The following CAMKMT variants were observed in gnomAD, a reference collection of about 807,000 sequenced individuals.
The protein encoded by CAMKMT is calmodulin-lysine N-methyltransferase, also known as CaM KMT.
In CAMKMT, 53 loss-of-function variants were observed where a neutral mutation model predicts 48.0. That is an observed-to-expected ratio of 1.10 (90% CI 0.89 to 1.39). CAMKMT has a LOEUF of 1.39. CAMKMT is among the 40% of genes most tolerant of loss of function. CAMKMT has a pLI of 0.00. For missense variants in CAMKMT, 428 were observed against 402.7 expected, an observed-to-expected ratio of 1.06 and a Z score of -0.54; for synonymous variants, 165 against 152.3, an observed-to-expected ratio of 1.08 and a Z score of -0.61.
intron 3 of CAMKMT, among the ~76,000 whole-genome samples, chr2:44,695,245 T>C (rs1676873902): frequency 6.6e-6 from 1 of 152,212 alleles, no homozygotes. Context: ...CACGGAGGTC[T>C]GGTGTACAGA....
At chr2:44,683,559 G>A (rs1327423902) in intron 3 of CAMKMT, among the ~76,000 whole-genome samples, 2 of 152,108 alleles carry the variant, frequency 1.3e-5, no homozygotes, top group Admixed American at 6.5e-5. Context: ...GGTGGCTCAC[G>A]CCTATAATCC....
chr2:44,375,109 C>T (rs543703823), intron 2 of CAMKMT, among the ~76,000 whole-genome samples: 41 of 151,702 alleles, frequency 2.7e-4, no homozygotes, highest in South Asian at 1.9e-3. Context: ...CCAGTTTGGG[C>T]GATAGAGTGA....
In CAMKMT at chr2:44,748,743, G is replaced by A. The variant is rs200996595; in HGVS notation, c.698+5047G>A. On this transcript the variant is annotated intron_variant, in intron 8 of 10. Coordinates refer to ENST00000378494, the MANE Select transcript of CAMKMT (RefSeq NM_024766.5). ...AAAAAAAAAATTAGATGGGCATGGT[G>A]GTGGGCACCTGTAGTCCCAGCTACT... Among the ~76,000 whole-genome samples the A allele has an allele frequency of 5.3e-4, 80 of 152,188 alleles. 1 individual carries two copies. In the East Asian group the frequency reaches 0.015, roughly 29 times the overall value.
chr2:44,641,940 A>G (rs1403678142), intron 3 of CAMKMT, among the ~76,000 whole-genome samples: 1 of 151,990 alleles, frequency 6.6e-6, no homozygotes, highest in Admixed American at 6.6e-5. Flanking sequence ...TAACTATCAC[A>G]TTTCCCAGCA....
rs960860422 is a variant in CAMKMT, at chr2:44,602,877, A to T, written c.377-101406A>T. 2.6e-5 allele frequency among the ~76,000 whole-genome samples: 4 copies of T among 151,964 alleles called. No individual in the cohort carries two copies. The South Asian group carries it at 6.2e-4, about 24-fold the overall frequency. ...GATTTGGGTGGGGACACAGAGACAA[A>T]TCGTATCACCTGTTTTATCACATAC... On this transcript the variant is annotated intron_variant, in intron 3 of 10. Coordinates refer to ENST00000378494, the MANE Select transcript of CAMKMT (RefSeq NM_024766.5).
intron 2 of CAMKMT, among the ~76,000 whole-genome samples, chr2:44,380,001 A>G (rs772407400): frequency 6.6e-6 from 1 of 151,740 alleles, no homozygotes; most frequent in South Asian, 2.1e-4. Context: ...TAACATGTCT[A>G]TTTTTTCATT....
intron 3 of CAMKMT, among the ~76,000 whole-genome samples, chr2:44,469,346 C>A (rs1216181610): frequency 2.2e-5 from 2 of 91,438 alleles, no homozygotes; most frequent in Non-Finnish European, 4.5e-5. Context: ...TCTTATTAAA[C>A]CTGATTTTTT....
intron 3 of CAMKMT, among the ~76,000 whole-genome samples, chr2:44,506,219 A>G (rs17615092): frequency 0.035 from 5,371 of 152,162 alleles, 422 homozygotes; most frequent in East Asian, 0.35. Context: ...AAATGTTCCT[A>G]AGCTAAGTGG....
chr2:44,402,604 C>A (rs538372457), intron 3 of CAMKMT, among the ~76,000 whole-genome samples: 17 of 151,820 alleles, frequency 1.1e-4, no homozygotes, highest in Admixed American at 5.9e-4. Flanking sequence ...ATTTTTCAGT[C>A]TGGAAAATTT....
intron 7 of CAMKMT, among the ~76,000 whole-genome samples, chr2:44,737,512 A>G (rs1679419489): frequency 6.6e-6 from 1 of 152,308 alleles, no homozygotes; most frequent in South Asian, 2.1e-4. Context: ...ATTCCCTACT[A>G]TTGAGACAAG....
chr2:44,501,592 A>T (rs1364011952), intron 3 of CAMKMT, among the ~76,000 whole-genome samples: 2 of 152,324 alleles, frequency 1.3e-5, no homozygotes, highest in Non-Finnish European at 2.9e-5. Flanking sequence ...TACCTGTTAA[A>T]TGAATTTGTA....
At chr2:44,488,227 G>A (rs1294372091) in intron 3 of CAMKMT, among the ~76,000 whole-genome samples, 2 of 152,082 alleles carry the variant, frequency 1.3e-5, no homozygotes, top group African/African-American at 2.4e-5. Flanking sequence ...GGCCGGGCGC[G>A]GTGGCTCACA....
chr2:44,702,114 T>C (rs77383183), intron 3 of CAMKMT, among the ~76,000 whole-genome samples: 1 of 152,230 alleles, frequency 6.6e-6, no homozygotes, highest in Non-Finnish European at 1.5e-5. Flanking sequence ...TTTAGTTAGA[T>C]ACTCTTTGTC....
chr2:44,467,361 G>A (rs898452140), intron 3 of CAMKMT, among the ~76,000 whole-genome samples: 1 of 151,670 alleles, frequency 6.6e-6, no homozygotes, highest in African/African-American at 2.4e-5. Flanking sequence ...GTGAAACCCT[G>A]TCTCTACTAA....
chr2:44,622,121 AAAG>A, intron 3 of CAMKMT, among the ~76,000 whole-genome samples: 1 of 152,306 alleles, frequency 6.6e-6, no homozygotes, highest in East Asian at 1.9e-4. Flanking sequence ...CCAGGCACCC[AAAG>A]GTAGTGGTAA....
chr2:44,650,692 C>G (rs1164222595), intron 3 of CAMKMT, among the ~76,000 whole-genome samples: 1 of 152,038 alleles, frequency 6.6e-6, no homozygotes, highest in African/African-American at 2.4e-5. Flanking sequence ...CCAGACTATA[C>G]TGTATGCCAA....
chr2:44,441,291 T>C (rs1052773702), intron 3 of CAMKMT, among the ~76,000 whole-genome samples: 1 of 152,234 alleles, frequency 6.6e-6, no homozygotes, highest in African/African-American at 2.4e-5. Context: ...AAAAGGTTTT[T>C]TGACCTTTAA....
intron 3 of CAMKMT, among the ~76,000 whole-genome samples, chr2:44,409,019 G>T: frequency 6.6e-6 from 1 of 150,694 alleles, no homozygotes; most frequent in Non-Finnish European, 1.5e-5. Flanking sequence ...CAGGATTACA[G>T]GCATGAGCCA....
intron 3 of CAMKMT, among the ~76,000 whole-genome samples, chr2:44,630,899 A>G (rs1672773921): frequency 6.6e-6 from 1 of 151,944 alleles, no homozygotes; most frequent in African/African-American, 2.4e-5. Flanking sequence ...ATTACTGGGT[A>G]TATACCCAAA....
Sources: gnomAD v4.1 joint callset for allele counts (sites outside exome capture counted in the v4.1 genomes callset) on GRCh38, gnomAD v4.1.1 for gene constraint, MANE v1.5 for transcripts, NCBI Gene and HGNC (gene_info 2026-07-23, HGNC 2026-07-21) for gene names.